TEX9: variants seen among roughly 807,000 people sequenced by gnomAD.
TEX9 encodes testis-expressed protein 9.
TEX9 carries 74 observed loss-of-function variants against 59.6 expected under a neutral mutation model. The observed-to-expected ratio is 1.24, with a 90% confidence interval of 1.03 to 1.51. TEX9 has a LOEUF of 1.51. Among genes scored for constraint, TEX9 ranks in the 40% most tolerant of loss-of-function variants. The pLI is 0.00. For synonymous variants in TEX9, 186 were observed against 152.2 expected (o/e 1.22, Z -1.64); for missense variants, 522 against 447.8 (o/e 1.17, Z -1.49).
At chr15:56,385,532 A>G (rs12900678) in intron 4 of TEX9, among the ~76,000 whole-genome samples, 52,817 of 151,946 alleles carry the variant, frequency 0.35, 10,555 homozygotes, top group Non-Finnish European at 0.45. Flanking sequence ...TAGAAGCTTG[A>G]CAGTGTTAAA....
chr15:56,315,247 A>G (rs9707864), intron 1 of TEX9, among the ~76,000 whole-genome samples: 80,471 of 97,400 alleles, frequency 0.83, 32,904 homozygotes, highest in Middle Eastern at 0.91. Flanking sequence ...TCCTAGTCTC[A>G]ATGGTCTTTA....
At chr15:56,380,085 G>C in intron 3 of TEX9, among the ~76,000 whole-genome samples, 1 of 151,888 alleles carries the variant, frequency 6.6e-6, no homozygotes, top group East Asian at 1.9e-4. Context: ...TTTTCTGGTT[G>C]TCTTGTGGCA....
chr15:56,262,976 T>C (rs919250127), intron 1 of TEX9, among the ~76,000 whole-genome samples: 1 of 152,212 alleles, frequency 6.6e-6, no homozygotes, highest in Non-Finnish European at 1.5e-5. Flanking sequence ...TTGCTTTCAC[T>C]CAGTCTCTGT....
At chr15:56,321,535 T>C (rs2045903512) in intron 1 of TEX9, among the ~76,000 whole-genome samples, 2 of 152,118 alleles carry the variant, frequency 1.3e-5, no homozygotes, top group Admixed American at 1.3e-4. Flanking sequence ...GGCCATTATA[T>C]GAAAAGGTAA....
chr15:56,244,772 T>G (rs2043803819), intron 1 of TEX9, among the ~76,000 whole-genome samples: 1 of 152,036 alleles, frequency 6.6e-6, no homozygotes, highest in African/African-American at 2.4e-5. Flanking sequence ...GCTCCTTCCT[T>G]TGGAGCCCGT....
intron 3 of TEX9, among the ~76,000 whole-genome samples, chr15:56,382,347 C>G (rs2047769448): frequency 6.6e-6 from 1 of 152,198 alleles, no homozygotes; most frequent in South Asian, 2.1e-4. Flanking sequence ...ACGTGGTGCT[C>G]TGCCCTGCTG....
intron 3 of TEX9, among the ~76,000 whole-genome samples, chr15:56,377,764 G>C (rs2047527029): frequency 6.6e-6 from 1 of 152,090 alleles, no homozygotes; most frequent in African/African-American, 2.4e-5. Context: ...AGGACATTGA[G>C]TACTATGTTG....
chr15:56,338,198 G>A (rs868475579), intron 1 of TEX9, among the ~76,000 whole-genome samples: 2 of 152,212 alleles, frequency 1.3e-5, no homozygotes, highest in African/African-American at 4.8e-5. Flanking sequence ...GGCCTGCAGA[G>A]CCTGAAGTTG....
chr15:56,437,680 T>C (rs1248249711), intron 12 of TEX9, among the ~76,000 whole-genome samples: 5 of 152,036 alleles, frequency 3.3e-5, no homozygotes, highest in African/African-American at 9.7e-5. Context: ...CAAATTGTCC[T>C]TGTTTGCAGA....
chr15:56,374,232 G>A (rs570240620), intron 3 of TEX9: 3 of 148,050 alleles, frequency 2.0e-5, no homozygotes, highest in African/African-American at 7.5e-5. Flanking sequence ...GATTCATTAC[G>A]TTTTCTACTC....
intron 1 of TEX9, among the ~76,000 whole-genome samples, chr15:56,346,695 T>G (rs1393062870): frequency 6.6e-6 from 1 of 152,076 alleles, no homozygotes; most frequent in African/African-American, 2.4e-5. Context: ...ACCCATTCTA[T>G]ACACTCTTAT....
intron 10 of TEX9, among the ~76,000 whole-genome samples, chr15:56,413,657 T>C (rs1401210846): frequency 6.6e-6 from 1 of 151,796 alleles, no homozygotes; most frequent in Non-Finnish European, 1.5e-5. Context: ...TATTTGTTTT[T>C]CTTTAACTGG....
intron 12 of TEX9, chr15:56,429,256 A>G: frequency 9.8e-7 from 1 of 1,022,428 alleles, no homozygotes. Context: ...AATGCTTTTA[A>G]GACTGACAGA....
At chr15:56,447,706 G>C (rs757748303), downstream of TEX9, 1 of 152,070 alleles carries the variant, frequency 6.6e-6, no homozygotes, top group Admixed American at 6.6e-5. Context: ...GATACAGTTT[G>C]ATAAGTTTTT....
intron 12 of TEX9, among the ~76,000 whole-genome samples, chr15:56,435,075 G>A (rs1404015189): frequency 1.3e-5 from 2 of 152,014 alleles, no homozygotes; most frequent in Non-Finnish European, 2.9e-5. Context: ...AAGAGGGAAT[G>A]CCAAGGAAAA....
intron 12 of TEX9, chr15:56,443,396 T>C (rs2050851721): frequency 4.2e-6 from 6 of 1,444,668 alleles, no homozygotes; most frequent in Non-Finnish European, 5.6e-6. Context: ...TATTCTTCTC[T>C]ACATTAATCA....
At chr15:56,445,425 G>C (rs1441157187) in intron 12 of TEX9, among the ~76,000 whole-genome samples, 1 of 151,928 alleles carries the variant, frequency 6.6e-6, no homozygotes, top group Non-Finnish European at 1.5e-5. Context: ...ATCACATCCC[G>C]AATGATGGAA....
intron 1 of TEX9, among the ~76,000 whole-genome samples, chr15:56,336,527 C>T (rs756953809): frequency 1.8e-4 from 28 of 152,154 alleles, no homozygotes. Flanking sequence ...TTCAGACTTC[C>T]AGCCTCCAGA....
In TEX9 at chr15:56,271,281, G is replaced by A. The variant is rs150844281; in HGVS notation, c.-107+27003G>A. Among the ~76,000 whole-genome samples, 403 of 152,152 alleles carry A rather than the reference G, an allele frequency of 2.6e-3. 4 individuals carry two copies. Among genetic ancestry groups the A allele is most frequent in the African/African-American group, 9.3e-3 (384 of 41,500 alleles). ...TCACTTTCAGGTATACCAATCAAACGTAGATTTGATCTTTTCACATAGTCC... is the reference window on the plus strand; with the variant it reads ...TCACTTTCAGGTATACCAATCAAACATAGATTTGATCTTTTCACATAGTCC... On this transcript the variant is annotated intron_variant, in intron 1 of 5. Transcript: ENST00000560827.
Sources: allele counts gnomAD v4.1 joint callset (sites outside exome capture counted in the v4.1 genomes callset), GRCh38; gene constraint gnomAD v4.1.1; transcripts MANE v1.5; gene names NCBI Gene and HGNC (gene_info 2026-07-23, HGNC 2026-07-21).